The following DCC variants were observed in gnomAD, a reference collection of about 807,000 sequenced individuals.
DCC encodes netrin receptor DCC.
A neutral mutation model predicts 172.5 loss-of-function variants in DCC; 58 were observed. That is an observed-to-expected ratio of 0.34 (90% CI 0.27 to 0.42). DCC has a LOEUF of 0.42. Ranked by LOEUF, DCC falls within the 10% of genes least tolerant of loss-of-function variation. DCC has a pLI of 1.00. For missense variants in DCC, 1,740 were observed against 1,791.0 expected (o/e 0.97, Z 0.51); for synonymous variants, 709 against 644.5 (o/e 1.10, Z -1.52).
At chr18:53,441,503 A>T (rs1312656248) in intron 22 of DCC, among the ~76,000 whole-genome samples, 1 of 151,958 alleles carries the variant, frequency 6.6e-6, no homozygotes, top group Non-Finnish European at 1.5e-5. Flanking sequence ...TTCAAGACTA[A>T]ACTTTTGCTC....
intron 7 of DCC, among the ~76,000 whole-genome samples, chr18:53,136,941 G>A (rs923101158): frequency 6.6e-6 from 1 of 152,228 alleles, no homozygotes; most frequent in Non-Finnish European, 1.5e-5. Context: ...TTATATCCAT[G>A]ATATATATTG....
At chr18:52,503,279 C>T (rs929397022) in intron 1 of DCC, among the ~76,000 whole-genome samples, 2 of 152,064 alleles carry the variant, frequency 1.3e-5, no homozygotes, top group Non-Finnish European at 1.5e-5. Flanking sequence ...TAAAAGGGAG[C>T]TAGTAGTCAT....
intron 2 of DCC, among the ~76,000 whole-genome samples, chr18:52,759,395 C>G (rs1432529899): frequency 1.3e-5 from 2 of 152,056 alleles, no homozygotes; most frequent in Non-Finnish European, 2.9e-5. Context: ...GAAACATCAA[C>G]AAAATAACCT....
intron 28 of DCC, among the ~76,000 whole-genome samples, chr18:53,527,509 A>AAAAAT (rs2046472639): frequency 6.6e-6 from 1 of 152,034 alleles, no homozygotes; most frequent in African/African-American, 2.4e-5. Context: ...TTGTGAAGGA[A>AAAAAT]AAAATATAAA....
intron 1 of DCC, among the ~76,000 whole-genome samples, chr18:52,490,899 T>G (rs1467428791): frequency 2.0e-5 from 3 of 152,116 alleles, no homozygotes; most frequent in Non-Finnish European, 4.4e-5. Context: ...GGAGTTGTGC[T>G]TTTCAGACAC....
intron 15 of DCC, among the ~76,000 whole-genome samples, chr18:53,368,333 T>C (rs912901272): frequency 2.6e-5 from 4 of 152,180 alleles, no homozygotes; most frequent in Non-Finnish European, 4.4e-5. Context: ...TTGTGCATAT[T>C]AATATTTTAT....
intron 1 of DCC, among the ~76,000 whole-genome samples, chr18:52,543,888 C>G (rs2032536367): frequency 6.6e-6 from 1 of 152,194 alleles, no homozygotes; most frequent in South Asian, 2.1e-4. Flanking sequence ...GTAGTAGCTG[C>G]AAACTGCAGT....
At chr18:52,781,588 A>G (rs1048081960) in intron 2 of DCC, among the ~76,000 whole-genome samples, 5 of 152,130 alleles carry the variant, frequency 3.3e-5, no homozygotes, top group Non-Finnish European at 7.4e-5. Context: ...ATATAGTATT[A>G]ATATTTCATA....
At chr18:52,901,556 TTAAA>T (rs1250976777) in intron 2 of DCC, among the ~76,000 whole-genome samples, 36 of 152,162 alleles carry the variant, frequency 2.4e-4, no homozygotes, top group Non-Finnish European at 2.2e-4. Flanking sequence ...ATTATGAAGA[TTAAA>T]TAAGGTCATT....
chr18:52,606,440 G>A (rs944263428), intron 1 of DCC, among the ~76,000 whole-genome samples: 2 of 151,994 alleles, frequency 1.3e-5, no homozygotes, highest in Non-Finnish European at 2.9e-5. Flanking sequence ...TATTATTTCT[G>A]TTTAGTACTC....
chr18:52,743,996 C>T (rs2036867951), intron 1 of DCC, among the ~76,000 whole-genome samples: 1 of 152,152 alleles, frequency 6.6e-6, no homozygotes, highest in African/African-American at 2.4e-5. Context: ...AGATATGTGA[C>T]AACTGAGGAG....
chr18:52,903,471 T>C (rs542258361), intron 2 of DCC, among the ~76,000 whole-genome samples: 5 of 152,308 alleles, frequency 3.3e-5, no homozygotes, highest in Admixed American at 3.3e-4. Context: ...CCTCCTAAAA[T>C]GCTGGGATTA....
intron 12 of DCC, among the ~76,000 whole-genome samples, chr18:53,270,078 A>G (rs774757686): frequency 2.6e-5 from 4 of 152,114 alleles, no homozygotes; most frequent in Non-Finnish European, 5.9e-5. Context: ...AGTTGGAGGG[A>G]CAGGTAGTTA....
intron 12 of DCC, among the ~76,000 whole-genome samples, chr18:53,261,077 C>T (rs534563040): frequency 1.3e-5 from 2 of 152,242 alleles, no homozygotes; most frequent in South Asian, 4.1e-4. Context: ...GTGGGAGTGA[C>T]CCGATTTTCC....
chr18:52,902,044 T>C (rs1568176961), intron 2 of DCC, among the ~76,000 whole-genome samples: 1 of 152,068 alleles, frequency 6.6e-6, no homozygotes, highest in Non-Finnish European at 1.5e-5. Context: ...ATTTGATAGG[T>C]AGATGTTAGC....
intron 1 of DCC, among the ~76,000 whole-genome samples, chr18:52,517,236 A>C (rs2031671774): frequency 6.6e-6 from 1 of 152,194 alleles, no homozygotes; most frequent in South Asian, 2.1e-4. Context: ...TATTATTATA[A>C]AAAGAAGTCC....
chr18:52,919,206 C>T (rs1344483087), intron 3 of DCC, among the ~76,000 whole-genome samples: 1 of 152,172 alleles, frequency 6.6e-6, no homozygotes, highest in Non-Finnish European at 1.5e-5. Context: ...ACCGTGGCTG[C>T]AGAGCTCATG....
chr18:52,859,901 T>C (rs2039112967), intron 2 of DCC, among the ~76,000 whole-genome samples: 2 of 152,186 alleles, frequency 1.3e-5, no homozygotes, highest in African/African-American at 4.8e-5. Context: ...TTAGATTAGA[T>C]AGGCAAAGGA....
At chr18:53,123,769 A>T (rs947125548) in intron 7 of DCC, among the ~76,000 whole-genome samples, 12 of 151,792 alleles carry the variant, frequency 7.9e-5, no homozygotes, top group Non-Finnish European at 1.5e-4. Context: ...CACAGTCTTC[A>T]TCTCTCCCCT....
Sources: gnomAD v4.1 joint callset for allele counts (sites outside exome capture counted in the v4.1 genomes callset) on GRCh38, gnomAD v4.1.1 for gene constraint, MANE v1.5 for transcripts, NCBI Gene and HGNC (gene_info 2026-07-23, HGNC 2026-07-21) for gene names.